Variants in SNPH observed in about 807,000 individuals in gnomAD.
The protein encoded by SNPH is syntaphilin.
SNPH carries 10 observed loss-of-function variants against 36.8 expected under a neutral mutation model. The ratio of observed to expected loss-of-function variants is 0.27; its 90% CI spans 0.17 to 0.46. SNPH has a LOEUF of 0.46. Among genes scored for constraint, SNPH ranks in the 20% least tolerant of loss-of-function variants. SNPH has a pLI of 1.00. For missense variants in SNPH, 622 were observed against 744.0 expected, an observed-to-expected ratio of 0.84 and a Z score of 1.91; for synonymous variants, 281 against 312.2, an observed-to-expected ratio of 0.90 and a Z score of 1.05.
At chr20:1,297,564 C>T (rs186288377) in intron 5 of SNPH, among the ~76,000 whole-genome samples, 123 of 152,358 alleles carry the variant, frequency 8.1e-4, no homozygotes, top group African/African-American at 2.7e-3. Flanking sequence ...TCTCCCGCTG[C>T]TCCACCATCC....
chr20:1,309,020 T>C lies in SNPH; in HGVS notation c.*2966T>C, dbSNP rs1021981874. 2.6e-5 allele frequency: 4 copies of C among 152,254 alleles called. No individual in the cohort carries two copies. Among genetic ancestry groups the C allele is most frequent in the Admixed American group, 6.5e-5 (1 of 15,278 alleles). 9.4% of individuals were successfully genotyped at this position (152,254 alleles called of 1,614,324 possible). A position where few individuals can be genotyped will look rare whatever the true frequency, so the allele number is the denominator to read the frequency against. ...CTTCTCACTGACACACCCTTCCCAA[T>C]TGCCACAAGCGCAGGGGTATCTTAC... On this transcript the variant is annotated 3_prime_UTR_variant, in exon 7 of 7. Transcript: ENST00000381867.
At chr20:1,277,862 T>TGC (rs1423864841) in intron 2 of SNPH, among the ~76,000 whole-genome samples, 3 of 144,974 alleles carry the variant, frequency 2.1e-5, no homozygotes, top group Non-Finnish European at 4.5e-5. Context: ...TCCGTGTGTG[T>TGC]GCCTGTGTGT....
intron 6 of SNPH, 28 bp downstream of exon 6, chr20:1,300,739 G>GT: frequency 6.3e-7 from 1 of 1,593,120 alleles, no homozygotes. Flanking sequence ...AGCAGCCCTG[G>GT]GGGTACCCCA....
intron 2 of SNPH, among the ~76,000 whole-genome samples, chr20:1,284,779 G>A (rs1327082634): frequency 6.6e-6 from 1 of 152,134 alleles, no homozygotes. Context: ...TGAGGTCAAA[G>A]AGATAAGCGG....
intron 6 of SNPH, among the ~76,000 whole-genome samples, chr20:1,303,455 TGAG>T (rs1260190425): frequency 6.6e-6 from 1 of 152,040 alleles, no homozygotes; most frequent in Non-Finnish European, 1.5e-5. Flanking sequence ...GAGGTGTGAG[TGAG>T]GAGCAGGGTG....
chr20:1,292,615 G>A (rs2088376426), intron 2 of SNPH, among the ~76,000 whole-genome samples: 1 of 152,144 alleles, frequency 6.6e-6, no homozygotes, highest in Non-Finnish European at 1.5e-5. Context: ...ATGCAAATAT[G>A]ATTGTGCCCC....
Position 1,304,754 on chromosome 20 carries a change from G to C in SNPH, c.441-124G>C. 1.2e-6 allele frequency: 1 copy of C among 863,364 alleles called. No individual in the cohort carries two copies. The highest frequency in any genetic ancestry group is 1.7e-5 in the African/African-American group (1 of 59,400). 53.5% of individuals were successfully genotyped at this position (863,364 alleles called of 1,614,324 possible). Reference sequence around the variant, plus strand: ...CATTGAGTTTGTCCTTCTGTTTTGGGTTCTGAGCCACAGCAGCACAGGGCC... The same window carrying C: ...CATTGAGTTTGTCCTTCTGTTTTGGCTTCTGAGCCACAGCAGCACAGGGCC... On this transcript the variant is annotated intron_variant, in intron 6 of 6. Coordinates refer to ENST00000381867, the MANE Select transcript of SNPH (RefSeq NM_001318234.2). The surrounding 1 kb of genome is among the most constrained non-coding windows in gnomAD (Gnocchi z 4.3).
chr20:1,303,465 G>T (rs2088528154), intron 6 of SNPH, among the ~76,000 whole-genome samples: 2 of 152,218 alleles, frequency 1.3e-5, no homozygotes. Context: ...TGAGGAGCAG[G>T]GTGAGAGGCC....
At chr20:1,282,252 T>C in intron 2 of SNPH, among the ~76,000 whole-genome samples, 1 of 152,204 alleles carries the variant, frequency 6.6e-6, no homozygotes, top group Non-Finnish European at 1.5e-5. Context: ...ATTCTAAATA[T>C]AGGAAAATAA....
At chr20:1,298,870 A>G (rs1030850952) in intron 5 of SNPH, among the ~76,000 whole-genome samples, 1 of 150,434 alleles carries the variant, frequency 6.6e-6, no homozygotes, top group Non-Finnish European at 1.5e-5. Context: ...TTTTACAAAG[A>G]GCTAGTGACT....
rs1370578515 is a variant in SNPH at position 1,285,970 on chromosome 20, C to T, written c.-492-8981C>T. Among the ~76,000 whole-genome samples the T allele has an allele frequency of 6.6e-6, 1 of 151,856 alleles. No homozygotes were observed. The highest frequency in any genetic ancestry group is 1.5e-5 in the Non-Finnish European group (1 of 67,992). ...ATTAGCCAGGGGTGGTGGCAGGCAC[C>T]TGTAGTCCCAGCTACTGGCTGAGGC... On this transcript the variant is annotated intron_variant, in intron 2 of 6. Transcript: ENST00000381867. The surrounding 1 kb of genome is among the most constrained non-coding windows in gnomAD (Gnocchi z 4.9).
chr20:1,268,961 G>A (rs1313874655), intron 2 of SNPH, among the ~76,000 whole-genome samples: 3 of 152,206 alleles, frequency 2.0e-5, no homozygotes, highest in African/African-American at 7.2e-5. Context: ...ATGTGCCTGG[G>A]AGGGTGGTGA....
In SNPH at chr20:1,285,304, G is replaced by A. The variant is rs980687232; in HGVS notation, c.-492-9647G>A. 1.3e-5 allele frequency among the ~76,000 whole-genome samples: 2 copies of A among 152,150 alleles called. No individual in the cohort carries two copies. The highest frequency in any genetic ancestry group is 1.9e-4 in the East Asian group (1 of 5,194). On this transcript the variant is annotated intron_variant, in intron 2 of 6. Coordinates refer to ENST00000381867, the MANE Select transcript of SNPH (RefSeq NM_001318234.2). The surrounding 1 kb of genome is among the most constrained non-coding windows in gnomAD (Gnocchi z 4.9). ...TCCTGTTGTTTGGTAGACAATGACC[G>A]GTTTAGGGTTTTTCTTTCCTTTTCT... is the stretch of plus-strand genomic sequence containing the variant.
At chr20:1,303,850 G>C (rs1469969812) in intron 6 of SNPH, among the ~76,000 whole-genome samples, 1 of 152,132 alleles carries the variant, frequency 6.6e-6, no homozygotes, top group East Asian at 1.9e-4. Context: ...TAGGGTTTAG[G>C]CTGAGGGGGC....
intron 2 of SNPH, among the ~76,000 whole-genome samples, chr20:1,290,463 T>C (rs1174434632): frequency 6.6e-6 from 1 of 152,252 alleles, no homozygotes; most frequent in Non-Finnish European, 1.5e-5. Flanking sequence ...GTATCTGGCT[T>C]CTTTCATTTA....
At chr20:1,291,126 C>T (rs1214228260) in intron 2 of SNPH, among the ~76,000 whole-genome samples, 1 of 152,226 alleles carries the variant, frequency 6.6e-6, no homozygotes, top group Non-Finnish European at 1.5e-5. Context: ...GCTCTGGAAT[C>T]TGAGTCTAAT....
chr20:1,286,562 C>T (rs1161155413), intron 2 of SNPH, among the ~76,000 whole-genome samples: 1 of 152,222 alleles, frequency 6.6e-6, no homozygotes, highest in African/African-American at 2.4e-5. Context: ...TGGCTTCCAA[C>T]AGGAGCGGCA....
chr20:1,303,350 T>C (rs2088526693), intron 6 of SNPH, among the ~76,000 whole-genome samples: 1 of 152,232 alleles, frequency 6.6e-6, no homozygotes, highest in Non-Finnish European at 1.5e-5. Flanking sequence ...CATGGCTCCC[T>C]GGGGTTTGGC....
At chr20:1,280,096 G>A (rs898166029) in intron 2 of SNPH, among the ~76,000 whole-genome samples, 1 of 152,220 alleles carries the variant, frequency 6.6e-6, no homozygotes, top group African/African-American at 2.4e-5. Flanking sequence ...TGGACTGGCC[G>A]GAGCGGTGCC....
Sources: allele counts gnomAD v4.1 joint callset (sites outside exome capture counted in the v4.1 genomes callset), GRCh38; gene constraint gnomAD v4.1.1; non-coding constraint Gnocchi (gnomAD v3.1); transcripts MANE v1.5; gene names NCBI Gene and HGNC (gene_info 2026-07-23, HGNC 2026-07-21).